The following CPS1 variants were observed in gnomAD, a reference collection of about 807,000 sequenced individuals.
CPS1 encodes carbamoyl-phosphate synthase 1.
CPS1 carries 109 observed loss-of-function variants against 174.6 expected under a neutral mutation model. That is an observed-to-expected ratio of 0.62 (90% confidence interval 0.53 to 0.73). The LOEUF is 0.73. Among genes scored for constraint, CPS1 ranks in the 30% least tolerant of loss-of-function variants. The pLI is 0.00. For synonymous variants in CPS1, 637 were observed against 632.0 expected (o/e 1.01, Z -0.12); for missense variants, 1,689 against 1,821.9 (o/e 0.93, Z 1.33).
intron 5 of CPS1, among the ~76,000 whole-genome samples, chr2:210,580,560 A>G (rs1259861739): frequency 6.6e-6 from 1 of 152,066 alleles, no homozygotes; most frequent in Non-Finnish European, 1.5e-5. Flanking sequence ...TAAATGACAC[A>G]ATTTGAAACT....
chr2:210,574,010 A>G (rs1385443847), intron 2 of CPS1, among the ~76,000 whole-genome samples: 1 of 152,072 alleles, frequency 6.6e-6, no homozygotes, highest in Non-Finnish European at 1.5e-5. Flanking sequence ...TAACATGTAC[A>G]GCAATGAAAA....
chr2:210,646,985 G>A lies in CPS1; in HGVS notation c.3142-878G>A, dbSNP rs546545046. Reference sequence around the variant, plus strand: ...CTGCTAATAGGAGATTTGGACTTATGGAAGAAAATCTTACACAAATGTCTG... The same window carrying A: ...CTGCTAATAGGAGATTTGGACTTATAGAAGAAAATCTTACACAAATGTCTG... On this transcript the variant is annotated intron_variant, in intron 25 of 37. Transcript: ENST00000233072. Among the ~76,000 whole-genome samples, 12 of 152,032 alleles carry A rather than the reference G, an allele frequency of 7.9e-5. No individual in the cohort carries two copies. In the South Asian group the frequency reaches 2.5e-3, roughly 32 times the overall value.
At chr2:210,545,275 T>C (rs1696531033) in intron 1 of CPS1, among the ~76,000 whole-genome samples, 1 of 152,126 alleles carries the variant, frequency 6.6e-6, no homozygotes, top group Admixed American at 6.6e-5. Context: ...TAGCTGCTCA[T>C]ATTCAAGATT....
intron 19 of CPS1, among the ~76,000 whole-genome samples, chr2:210,611,547 AT>A (rs5838212): frequency 0.1 from 15,528 of 151,904 alleles, 994 homozygotes; most frequent in East Asian, 0.26. Context: ...GACACATTGA[AT>A]TTGTCACAGA....
At chr2:210,581,864 T>A (rs191821920) in intron 5 of CPS1, among the ~76,000 whole-genome samples, 1 of 152,162 alleles carries the variant, frequency 6.6e-6, no homozygotes, top group Admixed American at 6.6e-5. Context: ...GAAGGGCATA[T>A]CAATGAATTA....
intron 1 of CPS1, among the ~76,000 whole-genome samples, chr2:210,510,280 G>T (rs1406586281): frequency 6.6e-6 from 1 of 152,120 alleles, no homozygotes; most frequent in East Asian, 1.9e-4. Flanking sequence ...AATGGGGAAA[G>T]GATTCCCTAT....
Position 210,642,557 on chromosome 2 carries a change from G to C in CPS1, c.3033G>C (p.Val1011=), listed in dbSNP as rs35374255. Residue 1011 remains valine (V), a synonymous_variant, in exon 25 of 38, where the codon GTG becomes GTC. Coordinates refer to ENST00000233072, the MANE Select transcript of CPS1 (RefSeq NM_001875.5). ...TGCGTCAACTTGGCAAGAAGACGGT[G>C]GTGGTGAATTGCAATCCTGAGACTG... ...RTLRQLGKKT[V]VVNCNPETVS... 646 of 1,614,058 alleles carry C rather than the reference G, an allele frequency of 4.0e-4. 5 individuals are homozygous for C. In the African/African-American group the frequency reaches 7.8e-3, roughly 20 times the overall value.
chr2:210,670,059 G>GA (rs934201496), intron 34 of CPS1, among the ~76,000 whole-genome samples: 10 of 152,020 alleles, frequency 6.6e-5, no homozygotes, highest in African/African-American at 2.2e-4. Flanking sequence ...GGGTTTGTTA[G>GA]AAAAAATAAT....
intron 1 of CPS1, among the ~76,000 whole-genome samples, chr2:210,558,151 C>A (rs1180385146): frequency 6.6e-6 from 1 of 151,804 alleles, no homozygotes; most frequent in African/African-American, 2.4e-5. Context: ...AAGATTCTAA[C>A]AAGAGTATAG....
intron 15 of CPS1, 140 bp from the exon 16 acceptor site, chr2:210,602,062 A>G: frequency 1.0e-6 from 1 of 953,910 alleles, no homozygotes. Context: ...TTTCAGAATG[A>G]GATGAGGGAA....
intron 5 of CPS1, among the ~76,000 whole-genome samples, chr2:210,580,426 A>T (rs896450007): frequency 3.3e-5 from 5 of 152,048 alleles, no homozygotes; most frequent in Non-Finnish European, 7.4e-5. Flanking sequence ...TGAGTTTATT[A>T]TTATTTTACT....
intron 5 of CPS1, 52 bp downstream of exon 5, chr2:210,579,822 G>T: frequency 7.0e-7 from 1 of 1,434,640 alleles, no homozygotes; most frequent in East Asian, 2.3e-5. Context: ...GTGTGTGTGT[G>T]TGTGTGTGTG....
intron 1 of CPS1, among the ~76,000 whole-genome samples, chr2:210,568,982 C>T (rs1341848643): frequency 6.6e-6 from 1 of 151,626 alleles, no homozygotes; most frequent in Non-Finnish European, 1.5e-5. Flanking sequence ...TATAACTTTT[C>T]CTCTCTTATC....
intron 6 of CPS1, among the ~76,000 whole-genome samples, chr2:210,583,318 G>C (rs1227984032): frequency 6.6e-6 from 1 of 152,088 alleles, no homozygotes; most frequent in Non-Finnish European, 1.5e-5. Context: ...ATGTAGGTGT[G>C]AGTGAGTTTC....
At chr2:210,512,881 T>G (rs1294938784) in intron 1 of CPS1, among the ~76,000 whole-genome samples, 18 of 77,354 alleles carry the variant, frequency 2.3e-4, no homozygotes, top group African/African-American at 6.8e-4. Flanking sequence ...TATATAGAGA[T>G]ATATATATGG....
chr2:210,604,011 A>G (rs1698817196), intron 16 of CPS1, among the ~76,000 whole-genome samples: 1 of 151,932 alleles, frequency 6.6e-6, no homozygotes, highest in African/African-American at 2.4e-5. Context: ...TTAGAATGCA[A>G]AATACTTTTC....
chr2:210,607,074 T>C (rs564550623), intron 18 of CPS1, 133 bp downstream of exon 18: 2 of 759,338 alleles, frequency 2.6e-6, no homozygotes, highest in Admixed American at 2.4e-5. Context: ...CCAAATCATT[T>C]ATAGCACCCT....
intron 27 of CPS1, among the ~76,000 whole-genome samples, chr2:210,649,900 A>T (rs1442194953): frequency 6.6e-6 from 1 of 152,224 alleles, no homozygotes; most frequent in African/African-American, 2.4e-5. Flanking sequence ...ATTCATTTGC[A>T]ATCTGGTTGA....
At chr2:210,501,927 T>G (rs758240376) in intron 1 of CPS1, among the ~76,000 whole-genome samples, 1 of 152,162 alleles carries the variant, frequency 6.6e-6, no homozygotes, top group Admixed American at 6.5e-5. Context: ...TTCCTGAAAC[T>G]GTGTAATTTA....
Sources: gnomAD v4.1 joint callset for allele counts (sites outside exome capture counted in the v4.1 genomes callset) on GRCh38, gnomAD v4.1.1 for gene constraint, MANE v1.5 for transcripts, NCBI Gene and HGNC (gene_info 2026-07-23, HGNC 2026-07-21) for gene names.